The following DYSF variants were observed in gnomAD, a reference collection of about 807,000 sequenced individuals.
DYSF encodes dysferlin.
DYSF carries 212 observed loss-of-function variants against 274.9 expected under a neutral mutation model. The observed-to-expected ratio is 0.77, with a 90% CI of 0.69 to 0.86. The LOEUF (loss-of-function observed/expected upper bound fraction) is 0.86. Ranked by LOEUF, DYSF falls within the 40% of genes least tolerant of loss-of-function variation. DYSF has a pLI of 0.00. For synonymous variants in DYSF, 1,091 were observed against 1,078.7 expected, an observed-to-expected ratio of 1.01 and a Z score of -0.22; for missense variants, 2,666 against 2,783.2, an observed-to-expected ratio of 0.96 and a Z score of 0.95.
intron 1 of DYSF, among the ~76,000 whole-genome samples, chr2:71,480,040 A>G (rs2082756393): frequency 6.6e-6 from 1 of 152,064 alleles, no homozygotes; most frequent in South Asian, 2.1e-4. Flanking sequence ...TCAAGAAGAA[A>G]CCCTATACCC....
At position 71,475,417 on chromosome 2, in the gene DYSF, C is replaced by T. The variant is rs983449720; in HGVS notation, c.92-5466C>T. Among the ~76,000 whole-genome samples, 13 of 152,222 alleles carry T rather than the reference C, an allele frequency of 8.5e-5. 1 individual carries two copies. Among genetic ancestry groups the T allele is most frequent in the African/African-American group, 2.7e-4 (11 of 41,460 alleles). ...GGTGTTTGCCGCCAGAAACTCCCAGCCCAGTTGGGGGTTCAGAGCTAGAAG... is the reference window on the plus strand; with the variant it reads ...GGTGTTTGCCGCCAGAAACTCCCAGTCCAGTTGGGGGTTCAGAGCTAGAAG... On this transcript the variant is annotated intron_variant, in intron 1 of 55. Transcript: ENST00000410020.
At chr2:71,455,016 C>G (rs2080998490) in intron 1 of DYSF, among the ~76,000 whole-genome samples, 2 of 152,172 alleles carry the variant, frequency 1.3e-5, no homozygotes, top group Non-Finnish European at 2.9e-5. Context: ...CCTGCCACTC[C>G]CCTTCTCCCC....
chr2:71,674,339 C>T, intron 52 of DYSF, 43 bp downstream of exon 52: 2 of 1,574,156 alleles, frequency 1.3e-6, no homozygotes, highest in African/African-American at 1.3e-5. Flanking sequence ...ATGGGGGCTG[C>T]CCCAGAACCC....
chr2:71,521,039 A>G, intron 12 of DYSF, 135 bp downstream of exon 12: 1 of 711,916 alleles, frequency 1.4e-6, no homozygotes, highest in Non-Finnish European at 2.4e-6. Context: ...GAAATGTGGA[A>G]CATGTAGAAA....
chr2:71,575,667 C>G (rs2092678221), intron 30 of DYSF, among the ~76,000 whole-genome samples: 1 of 152,028 alleles, frequency 6.6e-6, no homozygotes, highest in Non-Finnish European at 1.5e-5. Context: ...GGTATAAAGA[C>G]CTTGGCAGGC....
intron 45 of DYSF, among the ~76,000 whole-genome samples, chr2:71,663,055 G>GTATGTCTGTGTCCATGTGTCTGCATATGT (rs1553411936): frequency 6.6e-6 from 1 of 152,046 alleles, no homozygotes. Flanking sequence ...GCACGCGCGT[G>GTATGTCTGTGTCCATGTGTCTGCATATGT]GTGTAGGGAA....
At chr2:71,621,852 G>A (rs1056778167) in intron 41 of DYSF, among the ~76,000 whole-genome samples, 1 of 151,846 alleles carries the variant, frequency 6.6e-6, no homozygotes, top group African/African-American at 2.4e-5. Context: ...GTAGAGACGG[G>A]GTTTCACCAT....
chr2:71,551,207 C>A (rs949087994), intron 18 of DYSF, 51 bp downstream of exon 18: 2 of 1,585,818 alleles, frequency 1.3e-6, no homozygotes, highest in Non-Finnish European at 1.7e-6. Flanking sequence ...GCCCAGGTCC[C>A]TCAGGAGCCC....
At chr2:71,553,766 C>A in intron 20 of DYSF, 41 bp from the exon 21 acceptor site, 2 of 1,544,490 alleles carry the variant, frequency 1.3e-6, no homozygotes, top group Non-Finnish European at 1.8e-6. Flanking sequence ...CACCCGCCCT[C>A]CACTCCTGGC....
intron 3 of DYSF, among the ~76,000 whole-genome samples, chr2:71,486,175 G>A (rs529029392): frequency 1.3e-4 from 20 of 152,106 alleles, no homozygotes; most frequent in South Asian, 1.0e-3. Context: ...AATCCTGGGC[G>A]TGTCTTCTGT....
At chr2:71,538,513 G>A (rs1211919513) in intron 16 of DYSF, among the ~76,000 whole-genome samples, 1 of 152,132 alleles carries the variant, frequency 6.6e-6, no homozygotes, top group Non-Finnish European at 1.5e-5. Flanking sequence ...GATGACCTTG[G>A]GCAAGTACCT....
intron 55 of DYSF, 86 bp from the exon 56 acceptor site, chr2:71,686,368 T>C: frequency 6.4e-7 from 1 of 1,555,928 alleles, no homozygotes; most frequent in South Asian, 1.1e-5. Flanking sequence ...AGCCCCATCC[T>C]CTGAGCCCCA....
chr2:71,552,112 GTTATTA>G (rs1235941425), intron 19 of DYSF, among the ~76,000 whole-genome samples: 1 of 152,202 alleles, frequency 6.6e-6, no homozygotes, highest in African/African-American at 2.4e-5. Context: ...GGTGGCTGCT[GTTATTA>G]TTATTATCCC....
At chr2:71,685,175 G>A (rs1323769693) in intron 55 of DYSF, among the ~76,000 whole-genome samples, 1 of 152,200 alleles carries the variant, frequency 6.6e-6, no homozygotes, top group African/African-American at 2.4e-5. Flanking sequence ...CTTCCTCATC[G>A]CTGTGGGCAG....
At chr2:71,597,968 G>A (rs904237478) in intron 32 of DYSF, among the ~76,000 whole-genome samples, 8 of 152,154 alleles carry the variant, frequency 5.3e-5, no homozygotes, top group East Asian at 3.9e-4. Context: ...ACCTAGCCAC[G>A]TCAGTCTGGT....
In DYSF at chr2:71,643,994, A is replaced by G. The variant is rs2094528367; in HGVS notation, c.4557A>G (p.Lys1519=). 1.9e-6 allele frequency: 3 copies of G among 1,612,246 alleles called. No homozygotes were observed. Among genetic ancestry groups the G allele is most frequent in the Non-Finnish European group, 1.7e-6 (2 of 1,179,294 alleles). The change falls in exon 42 of 56, where the codon AAA becomes AAG. Residue 1519 remains lysine (K), a synonymous_variant. Transcript: ENST00000410020. ...HEEEFIDWWS[K]FFASIGEREK... ...AAGAGTTCATCGATTGGTGGAGCAA[A>G]TTCTTTGCCTCCATAGGGGAGAGGG...
At chr2:71,484,504 C>A (rs1573432404) in intron 3 of DYSF, among the ~76,000 whole-genome samples, 1 of 152,298 alleles carries the variant, frequency 6.6e-6, no homozygotes, top group East Asian at 1.9e-4. Context: ...TTTATCATTT[C>A]TTGTGTTAGC....
chr2:71,605,408 A>G (rs910379611), intron 36 of DYSF, among the ~76,000 whole-genome samples: 3 of 152,248 alleles, frequency 2.0e-5, no homozygotes, highest in Admixed American at 6.5e-5. Flanking sequence ...GGGCACACAC[A>G]TGCACGCACA....
rs11679653 is a variant in DYSF at position 71,635,172 on chromosome 2, C to A, written c.4528-8793C>A. On this transcript the variant is annotated intron_variant, in intron 41 of 55. Coordinates refer to ENST00000410020, the MANE Select transcript of DYSF (RefSeq NM_001130987.2). The stretch of plus-strand genomic sequence containing the variant: ...TGACCTGGAGGCAGGGTGTGCGGTG[C>A]CTTATCAGAAACCATCACAAGTCTC... Among the ~76,000 whole-genome samples, 413 of 152,286 alleles carry A rather than the reference C, an allele frequency of 2.7e-3. 1 individual carries two copies. The highest frequency in any genetic ancestry group is 4.4e-3 in the Non-Finnish European group (298 of 68,026).
Sources: gnomAD v4.1 joint callset for allele counts (sites outside exome capture counted in the v4.1 genomes callset) on GRCh38, gnomAD v4.1.1 for gene constraint, MANE v1.5 for transcripts, NCBI Gene and HGNC (gene_info 2026-07-23, HGNC 2026-07-21) for gene names.